Variants in PIK3CG observed in about 807,000 individuals in gnomAD.
PIK3CG encodes the protein phosphatidylinositol-4,5-bisphosphate 3-kinase catalytic subunit gamma.
In PIK3CG, 55 loss-of-function variants were observed where a neutral mutation model predicts 102.3. That is an observed-to-expected ratio of 0.54 (90% confidence interval 0.43 to 0.67). The LOEUF is 0.67. Among genes scored for constraint, PIK3CG ranks in the 30% least tolerant of loss-of-function variants. The pLI is 0.00. For missense variants in PIK3CG, 1,258 were observed against 1,391.8 expected (o/e 0.90, Z 1.53); for synonymous variants, 552 against 540.0 (o/e 1.02, Z -0.31).
At position 106,868,028 on chromosome 7, in the gene PIK3CG, C is replaced by G. The variant is rs1370328855; in HGVS notation, c.467C>G (p.Ala156Gly). The G allele has an allele frequency of 6.2e-7, 1 of 1,612,166 alleles. No homozygotes were observed. Among genetic ancestry groups the G allele is most frequent in the Admixed American group, 1.7e-5 (1 of 59,990 alleles). Reference sequence around the variant, plus strand: ...CAAGCCTTCCAGCGGCAGCTCACGGCGCTGATTGGCTATGACGTCACTGAC... The same window carrying G: ...CAAGCCTTCCAGCGGCAGCTCACGGGGCTGATTGGCTATGACGTCACTGAC... ...ESQAFQRQLT[A>G]LIGYDVTDVS... Residue 156 changes from alanine to glycine, a missense_variant, in exon 2 of 11, where the codon GCG becomes GGG. Physicochemically the swap from Ala to Gly is moderately conservative, Grantham distance 60. Transcript: ENST00000496166. The surrounding 1 kb of genome is among the most constrained non-coding windows in gnomAD (Gnocchi z 6.2).
chr7:106,882,988 G>C (rs1042773654), intron 7 of PIK3CG, 45 bp from the exon 8 acceptor site: 3 of 1,591,538 alleles, frequency 1.9e-6, no homozygotes, highest in Admixed American at 1.7e-5. Flanking sequence ...TCTGGGCCAG[G>C]TACTGGCCCC....
In PIK3CG at chr7:106,886,211, G is replaced by A. The variant is rs1417662056; in HGVS notation, c.2949G>A (p.Val983=). 2 of 1,614,038 alleles carry A rather than the reference G, an allele frequency of 1.2e-6. No homozygotes were observed. The highest frequency in any genetic ancestry group is 2.2e-5 in the East Asian group (1 of 44,892). The part of the protein sequence containing the change: ...KSFLGINKER[V]PFVLTPDFLF... ...TCCTGGGCATTAATAAAGAGAGAGT[G>A]CCATTTGTGCTAACCCCTGACTTCC... is the stretch of plus-strand genomic sequence containing the variant. The change falls in exon 10 of 11, where the codon GTG becomes GTA. Residue 983 remains valine (V), a synonymous_variant. Transcript: ENST00000496166.
At chr7:106,882,397 AT>A in intron 7 of PIK3CG, 190 bp downstream of exon 7, 1 of 362,994 alleles carries the variant, frequency 2.8e-6, no homozygotes. Flanking sequence ...TGAATGCATG[AT>A]TCAAATCCCT....
rs1228400348 is a variant in PIK3CG at position 106,867,114 on chromosome 7, C to G, written c.-12-436C>G. On this transcript the variant is annotated intron_variant, in intron 1 of 10. Coordinates refer to ENST00000496166, the MANE Select transcript of PIK3CG (RefSeq NM_001282426.2). This position sits in a 1 kb window ranked among gnomAD's most constrained non-coding sequence, Gnocchi z 5.1. ...GTTTCAGTATGTTTAAGAACAATGT[C>G]CATTCTGAGCCATTATAATGTGTCA... is the stretch of plus-strand genomic sequence containing the variant. 6.6e-6 allele frequency among the ~76,000 whole-genome samples: 1 copy of G among 152,166 alleles called. No homozygotes were observed. The highest frequency in any genetic ancestry group is 1.5e-5 in the Non-Finnish European group (1 of 68,032).
intron 10 of PIK3CG, among the ~76,000 whole-genome samples, chr7:106,900,727 C>T (rs1237921357): frequency 6.6e-6 from 1 of 152,192 alleles, no homozygotes; most frequent in Non-Finnish European, 1.5e-5. Context: ...GTGTTCCTTT[C>T]AAGGTCTCTT....
chr7:106,887,942 T>TA, intron 10 of PIK3CG, among the ~76,000 whole-genome samples: 1 of 134,860 alleles, frequency 7.4e-6, no homozygotes, highest in East Asian at 2.2e-4. Flanking sequence ...CCTTTTTTTT[T>TA]TTTTTTTTTT....
chr7:106,907,050 G>C lies in PIK3CG; in HGVS notation c.*1663G>C. 1 of 201,178 alleles carries C rather than the reference G, an allele frequency of 5.0e-6. No homozygotes were observed. The highest frequency in any genetic ancestry group is 1.0e-5 in the Non-Finnish European group (1 of 97,694). 12.5% of individuals were successfully genotyped at this position (201,178 alleles called of 1,614,324 possible). A position where few individuals can be genotyped will look rare whatever the true frequency, so the allele number is the denominator to read the frequency against. On this transcript the variant is annotated 3_prime_UTR_variant, in exon 11 of 11. Coordinates refer to ENST00000496166, the MANE Select transcript of PIK3CG (RefSeq NM_001282426.2). ...GCAGGAGGATTGCCTGAGCCCAGGA[G>C]GTGGAAACTGCAGAGAGTCATGATC...
rs547195952 is a variant in PIK3CG at position 106,872,089 on chromosome 7, C to T, written c.1996-448C>T. On this transcript the variant is annotated intron_variant, in intron 2 of 10. Coordinates refer to ENST00000496166, the MANE Select transcript of PIK3CG (RefSeq NM_001282426.2). The surrounding 1 kb of genome is among the most constrained non-coding windows in gnomAD (Gnocchi z 5.3). Reference sequence around the variant, plus strand: ...GGGCTTTTAGGATCTTTCCATCTAACAAATATTTTTCTCCTTACGTGTATT... The same window carrying T: ...GGGCTTTTAGGATCTTTCCATCTAATAAATATTTTTCTCCTTACGTGTATT... Among the ~76,000 whole-genome samples the T allele has an allele frequency of 6.6e-6, 1 of 152,310 alleles. No individual in the cohort carries two copies. The highest frequency in any genetic ancestry group is 2.1e-4 in the South Asian group (1 of 4,828).
chr7:106,884,532 A>G lies in PIK3CG; in HGVS notation c.2872+266A>G, dbSNP rs1000962098. Among the ~76,000 whole-genome samples the G allele has an allele frequency of 2.6e-5, 4 of 152,196 alleles. No homozygotes were observed. Among genetic ancestry groups the G allele is most frequent in the South Asian group, 2.1e-4 (1 of 4,824 alleles). The stretch of plus-strand genomic sequence containing the variant: ...TAAATGGAGTTTAAGACTGGAGCAC[A>G]TATTTAGAAGTCATTGTGTAGGGAC... On this transcript the variant is annotated intron_variant, in intron 9 of 10. Coordinates refer to ENST00000496166, the MANE Select transcript of PIK3CG (RefSeq NM_001282426.2). The surrounding 1 kb of genome is among the most constrained non-coding windows in gnomAD (Gnocchi z 4.2).
intron 6 of PIK3CG, among the ~76,000 whole-genome samples, chr7:106,881,225 C>T (rs1725996294): frequency 6.6e-6 from 1 of 152,126 alleles, no homozygotes; most frequent in Admixed American, 6.6e-5. Flanking sequence ...TAGGTGTGAG[C>T]CATCATGCCC....
chr7:106,871,221 T>C (rs1390810107), intron 2 of PIK3CG, among the ~76,000 whole-genome samples: 1 of 152,238 alleles, frequency 6.6e-6, no homozygotes, highest in Non-Finnish European at 1.5e-5. Context: ...AGTTGAGATC[T>C]GCACTGTCTT....
chr7:106,896,248 G>T (rs1288612848), intron 10 of PIK3CG, among the ~76,000 whole-genome samples: 3 of 152,150 alleles, frequency 2.0e-5, no homozygotes, highest in Non-Finnish European at 4.4e-5. Flanking sequence ...AGCACCAGTG[G>T]ATTGGTGTTA....
rs551513377 is a variant in PIK3CG at position 106,877,840 on chromosome 7, C to T, written c.2392-1679C>T. On this transcript the variant is annotated intron_variant, in intron 5 of 10. Coordinates refer to ENST00000496166, the MANE Select transcript of PIK3CG (RefSeq NM_001282426.2). The surrounding 1 kb of genome is among the most constrained non-coding windows in gnomAD (Gnocchi z 4.5). The stretch of plus-strand genomic sequence containing the variant: ...ACAGGCAACAGTATACTTCCATTAA[C>T]CCCCGCATCCTTTGCATTATTTTTA... 3.9e-5 allele frequency among the ~76,000 whole-genome samples: 6 copies of T among 152,232 alleles called. No individual in the cohort carries two copies. The highest frequency in any genetic ancestry group is 1.4e-4 in the African/African-American group (6 of 41,514).
chr7:106,886,584 A>G (rs926934028), intron 10 of PIK3CG, among the ~76,000 whole-genome samples: 3 of 152,198 alleles, frequency 2.0e-5, no homozygotes, highest in Non-Finnish European at 4.4e-5. Context: ...GGCACTAAAG[A>G]GGGCTTTCAG....
chr7:106,888,518 A>C (rs780478672), intron 10 of PIK3CG, among the ~76,000 whole-genome samples: 1 of 152,220 alleles, frequency 6.6e-6, no homozygotes, highest in Admixed American at 6.5e-5. Flanking sequence ...CTTTGCGGTG[A>C]GGCTTTGTGC....
rs1478073818 is a variant in PIK3CG, at chr7:106,897,578, G to A, written c.3031-7531G>A. 6.6e-6 allele frequency among the ~76,000 whole-genome samples: 1 copy of A among 151,956 alleles called. No homozygotes were observed. The highest frequency in any genetic ancestry group is 1.9e-4 in the East Asian group (1 of 5,186). ...CCCAGTGTCTGTTGTTTCCTTCCTTGTGTTCATAAGTTCTTATCATTTAGC... is the reference window on the plus strand; with the variant it reads ...CCCAGTGTCTGTTGTTTCCTTCCTTATGTTCATAAGTTCTTATCATTTAGC... On this transcript the variant is annotated intron_variant, in intron 10 of 10. Transcript: ENST00000496166. The surrounding 1 kb of genome is among the most constrained non-coding windows in gnomAD (Gnocchi z 4.6).
In PIK3CG at chr7:106,868,184, C is replaced by T. The variant is rs751048583; in HGVS notation, c.623C>T (p.Pro208Leu). 3.2e-5 allele frequency: 51 copies of T among 1,612,464 alleles called. No individual in the cohort carries two copies. The Admixed American group carries it at 3.3e-4, about 11-fold the overall frequency. The stretch of plus-strand genomic sequence containing the variant: ...CCGTGGGTGACGTCCAAGCCCCTCC[C>T]GGAGTACCTGTGGAAGAAGATTGCC... The part of the protein sequence containing the change: ...MHPWVTSKPL[P>L]EYLWKKIANN... The change falls in exon 2 of 11, where the codon CCG becomes CTG. Residue 208 changes from proline (P) to leucine (L), a missense_variant. By Grantham distance (98) the Pro-to-Leu change is moderately conservative. Transcript: ENST00000496166. This position sits in a 1 kb window ranked among gnomAD's most constrained non-coding sequence, Gnocchi z 6.2.
rs755581938 is a variant in PIK3CG, at chr7:106,905,400, G to C, written c.*13G>C. The C allele has an allele frequency of 2.5e-6, 4 of 1,601,868 alleles. No homozygotes were observed. Among genetic ancestry groups the C allele is most frequent in the Non-Finnish European group, 3.4e-6 (4 of 1,172,820 alleles). On this transcript the variant is annotated 3_prime_UTR_variant, in exon 11 of 11. Coordinates refer to ENST00000496166, the MANE Select transcript of PIK3CG (RefSeq NM_001282426.2). This position sits in a 1 kb window ranked among gnomAD's most constrained non-coding sequence, Gnocchi z 5.6. ...ACATTCAGCCTAATACTTTAGGCTA[G>C]AATCAAAAACAAGTTAGTGTTCTAT...
rs564288975 is a variant in PIK3CG, at chr7:106,866,967, G to A, written c.-12-583G>A. Among the ~76,000 whole-genome samples, 5 of 152,208 alleles carry A rather than the reference G, an allele frequency of 3.3e-5. No homozygotes were observed. In the East Asian group the frequency reaches 9.6e-4, roughly 29 times the overall value. The stretch of plus-strand genomic sequence containing the variant: ...GAGGTGTCTGGGTTCCAAGAAGTGT[G>A]AGACTTAACAAAGAGGAAGTAAGTT... On this transcript the variant is annotated intron_variant, in intron 1 of 10. Transcript: ENST00000496166.
Sources: allele counts gnomAD v4.1 joint callset (sites outside exome capture counted in the v4.1 genomes callset), GRCh38; gene constraint gnomAD v4.1.1; non-coding constraint Gnocchi (gnomAD v3.1); transcripts MANE v1.5; gene names NCBI Gene and HGNC (gene_info 2026-07-23, HGNC 2026-07-21).